Variants in MAP2K5 observed in about 807,000 individuals in gnomAD.
MAP2K5 encodes mitogen-activated protein kinase kinase 5, also known as dual specificity mitogen-activated protein kinase kinase 5.
Under a neutral mutation model 83.1 loss-of-function variants are expected in MAP2K5, and 49 were observed. The observed-to-expected ratio is 0.59, with a 90% CI of 0.47 to 0.75. MAP2K5 has a LOEUF of 0.75. Ranked by LOEUF, MAP2K5 falls within the 30% of genes least tolerant of loss-of-function variation. The pLI, the probability that MAP2K5 is intolerant of heterozygous loss-of-function variation, is 0.00. For missense variants in MAP2K5, 457 were observed against 557.5 expected (o/e 0.82, Z 1.82); for synonymous variants, 202 against 191.8 (o/e 1.05, Z -0.44).
At chr15:67,700,011 T>C (rs924946501) in intron 15 of MAP2K5, among the ~76,000 whole-genome samples, 4 of 151,854 alleles carry the variant, frequency 2.6e-5, no homozygotes, top group African/African-American at 9.7e-5. Context: ...GTGATACATA[T>C]TTTGACTATA....
intron 1 of MAP2K5, among the ~76,000 whole-genome samples, chr15:67,547,857 G>C (rs1390697116): frequency 3.3e-5 from 5 of 152,198 alleles, no homozygotes; most frequent in African/African-American, 4.8e-5. Flanking sequence ...GCTGGAAAAT[G>C]TATATAAAAT....
In MAP2K5 at chr15:67,658,535, G is replaced by A. The variant is rs1378482524; in HGVS notation, c.737-18G>A. 1.9e-6 allele frequency: 3 copies of A among 1,600,492 alleles called. No homozygotes were observed. Among genetic ancestry groups the A allele is most frequent in the Non-Finnish European group, 2.6e-6 (3 of 1,168,300 alleles). On this transcript the variant is annotated intron_variant, in intron 11 of 21. Transcript: ENST00000178640. Reference sequence around the variant, plus strand: ...TGGTAATTTCATTTGTAGTAACATGGCATGTTTATCTCTACAGGGGGATCT... The same window carrying A: ...TGGTAATTTCATTTGTAGTAACATGACATGTTTATCTCTACAGGGGGATCT...
At chr15:67,548,296 G>C (rs569512153) in intron 1 of MAP2K5, among the ~76,000 whole-genome samples, 1 of 152,096 alleles carries the variant, frequency 6.6e-6, no homozygotes, top group African/African-American at 2.4e-5. Context: ...TTTTCCCCTC[G>C]TTTTTTTAAA....
intron 13 of MAP2K5, among the ~76,000 whole-genome samples, chr15:67,674,935 T>TA (rs2087640823): frequency 1.3e-5 from 2 of 151,770 alleles, no homozygotes; most frequent in Non-Finnish European, 2.9e-5. Context: ...ATGGCTAAAA[T>TA]AAAAAATAGT....
chr15:67,806,745 C>G lies in MAP2K5; in HGVS notation c.1342C>G (p.Pro448Ala). ...GGAGAGGCGGAGCCAGCAGGGGCCC[C>G]CGTGAGGCTGCCGCAGGGCACTGAA... ...LEERRSQQGP[P>A] Residue 448 changes from proline (P) to alanine (A), a missense_variant, in exon 22 of 22, where the codon CCG becomes GCG. By Grantham distance (27) the Pro-to-Ala change is conservative. Coordinates refer to ENST00000178640, the MANE Select transcript of MAP2K5 (RefSeq NM_145160.3). 1 of 1,555,676 alleles carries G rather than the reference C, an allele frequency of 6.4e-7. No homozygotes were observed. The highest frequency in any genetic ancestry group is 8.7e-7 in the Non-Finnish European group (1 of 1,152,044).
At chr15:67,629,083 G>C (rs2086398286) in intron 8 of MAP2K5, 9 of 736,738 alleles carry the variant, frequency 1.2e-5, no homozygotes, top group Non-Finnish European at 2.2e-5. Flanking sequence ...AACCAAGGTG[G>C]CCATGGCGGT....
chr15:67,625,031 A>C (rs1448282574), intron 8 of MAP2K5, among the ~76,000 whole-genome samples: 1 of 152,156 alleles, frequency 6.6e-6, no homozygotes, highest in African/African-American at 2.4e-5. Context: ...TAAGTTATTT[A>C]ACCTGGCTTT....
At chr15:67,615,249 C>T (rs542948653) in intron 8 of MAP2K5, among the ~76,000 whole-genome samples, 21 of 152,254 alleles carry the variant, frequency 1.4e-4, no homozygotes, top group South Asian at 8.3e-4. Flanking sequence ...CTGCCCGCAT[C>T]GGCCTCCCAA....
chr15:67,603,503 T>C (rs969487748), intron 8 of MAP2K5, among the ~76,000 whole-genome samples: 5 of 152,248 alleles, frequency 3.3e-5, no homozygotes, highest in African/African-American at 1.2e-4. Flanking sequence ...ATTTTCATTC[T>C]TATATAGTAG....
chr15:67,706,320 G>A (rs905513544), intron 16 of MAP2K5, among the ~76,000 whole-genome samples: 3 of 152,190 alleles, frequency 2.0e-5, no homozygotes, highest in Admixed American at 2.0e-4. Flanking sequence ...TGAATATTCT[G>A]TGGAGGACTG....
In MAP2K5 at chr15:67,547,462, T is replaced by C. The variant is rs563900314; in HGVS notation, c.136-2572T>C. On this transcript the variant is annotated intron_variant, in intron 1 of 21. Transcript: ENST00000178640. ...ACTTCGGTTTTCTTTTTTCTTTTTTTTTTTTTTTTTTGAGACAGAGTCTCG... is the reference window on the plus strand; with the variant it reads ...ACTTCGGTTTTCTTTTTTCTTTTTTCTTTTTTTTTTTGAGACAGAGTCTCG... Among the ~76,000 whole-genome samples the C allele has an allele frequency of 2.2e-4, 33 of 150,062 alleles. No homozygotes were observed. In the East Asian group the frequency reaches 3.5e-3, roughly 16 times the overall value.
In MAP2K5 at chr15:67,768,050, G is replaced by A. The variant is rs1293871484; in HGVS notation, c.1135-1552G>A. On this transcript the variant is annotated intron_variant, in intron 19 of 21. Transcript: ENST00000178640. This position sits in a 1 kb window ranked among gnomAD's most constrained non-coding sequence, Gnocchi z 4.0. Reference sequence around the variant, plus strand: ...TGTTTCTTTTCTTGTAGCCTCTTCGGTGTTTTTTGTTGTCTGTTTTTTGTT... The same window carrying A: ...TGTTTCTTTTCTTGTAGCCTCTTCGATGTTTTTTGTTGTCTGTTTTTTGTT... Among the ~76,000 whole-genome samples, 1 of 152,034 alleles carries A rather than the reference G, an allele frequency of 6.6e-6. No homozygotes were observed. The highest frequency in any genetic ancestry group is 1.5e-5 in the Non-Finnish European group (1 of 67,996).
chr15:67,560,710 A>G (rs866287582), intron 2 of MAP2K5, among the ~76,000 whole-genome samples: 1 of 152,360 alleles, frequency 6.6e-6, no homozygotes, highest in Middle Eastern at 3.4e-3. Flanking sequence ...TCTCTTCAAG[A>G]AATTATTCTG....
chr15:67,767,472 A>C (rs1448735226), intron 19 of MAP2K5, among the ~76,000 whole-genome samples: 2 of 152,064 alleles, frequency 1.3e-5, no homozygotes, highest in Admixed American at 1.3e-4. Flanking sequence ...CTACACCCTC[A>C]AAAAAAATCC....
At chr15:67,659,742 G>A (rs1263615367) in intron 12 of MAP2K5, among the ~76,000 whole-genome samples, 1 of 151,942 alleles carries the variant, frequency 6.6e-6, no homozygotes, top group African/African-American at 2.4e-5. Context: ...GATACCAATT[G>A]AAAAAGAAAA....
chr15:67,804,416 GC>G (rs1261538075), intron 21 of MAP2K5, among the ~76,000 whole-genome samples: 1 of 152,224 alleles, frequency 6.6e-6, no homozygotes, highest in Non-Finnish European at 1.5e-5. Context: ...GATACAACAT[GC>G]CTCAGCAGCA....
chr15:67,775,106 G>C lies in MAP2K5; in HGVS notation c.1242+2354G>C, dbSNP rs575253780. On this transcript the variant is annotated intron_variant, in intron 21 of 21. Transcript: ENST00000178640. This position sits in a 1 kb window ranked among gnomAD's most constrained non-coding sequence, Gnocchi z 5.3. ...CTGGGCCATGCAGAGTGGGCACTTA[G>C]GTGGTGAGGTCACTGTTTATACCAG... is the stretch of plus-strand genomic sequence containing the variant. Among the ~76,000 whole-genome samples the C allele has an allele frequency of 6.6e-6, 1 of 152,332 alleles. No homozygotes were observed. Among genetic ancestry groups the C allele is most frequent in the Admixed American group, 6.5e-5 (1 of 15,304 alleles).
chr15:67,643,701 C>A (rs1461061710), intron 9 of MAP2K5, among the ~76,000 whole-genome samples: 1 of 151,930 alleles, frequency 6.6e-6, no homozygotes, highest in Non-Finnish European at 1.5e-5. Context: ...CCGCCTCAGC[C>A]TCCTCCCAAA....
chr15:67,583,636 A>C (rs973840174), intron 4 of MAP2K5, among the ~76,000 whole-genome samples: 1 of 152,096 alleles, frequency 6.6e-6, no homozygotes, highest in Non-Finnish European at 1.5e-5. Context: ...TCCTGTGTCT[A>C]CCTAGTTGGT....
Sources: allele counts gnomAD v4.1 joint callset (sites outside exome capture counted in the v4.1 genomes callset), GRCh38; gene constraint gnomAD v4.1.1; non-coding constraint Gnocchi (gnomAD v3.1); transcripts MANE v1.5; gene names NCBI Gene and HGNC (gene_info 2026-07-23, HGNC 2026-07-21).